The following RHOQ variants were observed in gnomAD, a reference collection of about 807,000 sequenced individuals.
RHOQ encodes the protein ras homolog family member Q, also known as rho-related GTP-binding protein RhoQ.
Under a neutral mutation model 25.8 loss-of-function variants are expected in RHOQ, and 7 were observed. The observed-to-expected ratio is 0.27, with a 90% CI of 0.15 to 0.51. RHOQ has a LOEUF of 0.51. Among genes scored for constraint, RHOQ ranks in the 20% least tolerant of loss-of-function variants. The probability of loss-of-function intolerance (pLI) is 0.97; values close to 1 mark genes in which losing one functional copy is unlikely to be tolerated. For missense variants in RHOQ, 165 were observed against 260.6 expected, an observed-to-expected ratio of 0.63 and a Z score of 2.53; for synonymous variants, 97 against 98.6, an observed-to-expected ratio of 0.98 and a Z score of 0.10.
intron 2 of RHOQ, among the ~76,000 whole-genome samples, chr2:46,550,786 G>A (rs933517634): frequency 1.3e-5 from 2 of 152,208 alleles, no homozygotes; most frequent in African/African-American, 4.8e-5. Context: ...TGCTGAGAGT[G>A]CGGGCCCAGG....
chr2:46,573,465 T>G (rs1340241717), intron 2 of RHOQ, among the ~76,000 whole-genome samples: 1 of 152,224 alleles, frequency 6.6e-6, no homozygotes. Flanking sequence ...TAAACATATG[T>G]GTGTTTTATT....
chr2:46,546,648 C>A (rs924794464), intron 2 of RHOQ, among the ~76,000 whole-genome samples: 11 of 150,346 alleles, frequency 7.3e-5, no homozygotes, highest in African/African-American at 2.7e-4. Flanking sequence ...AAATTATTTA[C>A]CTTTGTGATC....
In RHOQ at chr2:46,557,153, A is replaced by C. The variant is rs1668434048; in HGVS notation, c.201+13341A>C. On this transcript the variant is annotated intron_variant, in intron 2 of 4. Transcript: ENST00000238738. ...CCCCATTTTTGGGAATGAAAACTGA[A>C]ACAACCAGTTTGGAGGTTAATTTGC... Among the ~76,000 whole-genome samples, 2 of 152,200 alleles carry C rather than the reference A, an allele frequency of 1.3e-5. 1 individual carries two copies. Among genetic ancestry groups the C allele is most frequent in the Non-Finnish European group, 2.9e-5 (2 of 68,040 alleles).
chr2:46,577,663 C>T (rs1157020704), intron 4 of RHOQ, among the ~76,000 whole-genome samples: 4 of 150,122 alleles, frequency 2.7e-5, no homozygotes, highest in African/African-American at 4.9e-5. Context: ...GATCTGCCCA[C>T]CTCATCCTCC....
chr2:46,559,886 G>A (rs1668519194), intron 2 of RHOQ, among the ~76,000 whole-genome samples: 1 of 152,132 alleles, frequency 6.6e-6, no homozygotes, highest in Admixed American at 6.5e-5. Context: ...AAGAAGCAGA[G>A]TGTTGGAGGG....
intron 2 of RHOQ, among the ~76,000 whole-genome samples, chr2:46,550,068 A>AT (rs879637280): frequency 1.5e-4 from 22 of 149,516 alleles, no homozygotes; most frequent in African/African-American, 2.7e-4. Flanking sequence ...ATTCTACTAA[A>AT]TTTTTTTTTT....
rs555927760 is a variant in RHOQ at position 46,556,388 on chromosome 2, G to A, written c.201+12576G>A. ...GGTACAAAGTGAAGTTCTGCTAGTT[G>A]TGCACTTGTGGTGCTGCCTTCGCCC... is the stretch of plus-strand genomic sequence containing the variant. On this transcript the variant is annotated intron_variant, in intron 2 of 4. Coordinates refer to ENST00000238738, the MANE Select transcript of RHOQ (RefSeq NM_012249.4). This position sits in a 1 kb window ranked among gnomAD's most constrained non-coding sequence, Gnocchi z 4.9. Among the ~76,000 whole-genome samples the A allele has an allele frequency of 2.0e-5, 3 of 152,200 alleles. No individual in the cohort carries two copies. The East Asian group carries it at 5.8e-4, about 29-fold the overall frequency.
At chr2:46,543,397 C>T in intron 1 of RHOQ, 1 of 604,736 alleles carries the variant, frequency 1.7e-6, no homozygotes, top group Non-Finnish European at 2.9e-6. Flanking sequence ...CCGCCCCCTA[C>T]GCGGCTCCTG....
In RHOQ at chr2:46,583,516, T is replaced by G. The variant is rs1669472070; in HGVS notation, c.*2433T>G. ...AGCTGAGGTGCCTTAGGTACTCTAC[T>G]GACCTTGATGGGTTTGGAGTTCCCC... On this transcript the variant is annotated 3_prime_UTR_variant, in exon 5 of 5. Transcript: ENST00000238738. 6.6e-6 allele frequency among the ~76,000 whole-genome samples: 1 copy of G among 152,198 alleles called. No homozygotes were observed. The highest frequency in any genetic ancestry group is 6.5e-5 in the Admixed American group (1 of 15,284).
chr2:46,581,672 T>C lies in RHOQ; in HGVS notation c.*589T>C, dbSNP rs1669381780. 6.6e-7 allele frequency: 1 copy of C among 1,509,176 alleles called. No individual in the cohort carries two copies. Among genetic ancestry groups the C allele is most frequent in the Non-Finnish European group, 8.9e-7 (1 of 1,120,980 alleles). 93.5% of individuals were successfully genotyped at this position (1,509,176 alleles called of 1,614,324 possible). A position where few individuals can be genotyped will look rare whatever the true frequency, so the allele number is the denominator to read the frequency against. On this transcript the variant is annotated 3_prime_UTR_variant, in exon 5 of 5. Transcript: ENST00000238738. The stretch of plus-strand genomic sequence containing the variant: ...CACAAGTGTAACCTAAATATTTCTA[T>C]ATTAAAGCTTAATGTGCTTTCTTAA...
At chr2:46,543,348 C>A (rs1029838267) in intron 1 of RHOQ, 160 bp downstream of exon 1, 3 of 717,752 alleles carry the variant, frequency 4.2e-6, no homozygotes, top group Non-Finnish European at 7.0e-6. Flanking sequence ...AGCTTCGCTC[C>A]TGGCAACCCC....
chr2:46,546,675 A>G (rs1668080729), intron 2 of RHOQ, among the ~76,000 whole-genome samples: 1 of 151,432 alleles, frequency 6.6e-6, no homozygotes, highest in South Asian at 2.1e-4. Flanking sequence ...AAACGTGAAT[A>G]ATTAGAATCT....
chr2:46,547,248 C>T (rs1007329372), intron 2 of RHOQ, among the ~76,000 whole-genome samples: 2 of 152,238 alleles, frequency 1.3e-5, no homozygotes, highest in Non-Finnish European at 2.9e-5. Flanking sequence ...GTGCCTCCCT[C>T]AGTTTGGAAC....
chr2:46,572,392 C>A (rs180837150), intron 2 of RHOQ, among the ~76,000 whole-genome samples: 56 of 152,084 alleles, frequency 3.7e-4, no homozygotes, highest in Admixed American at 1.2e-3. Flanking sequence ...TGTGAGCCAC[C>A]GCACCTGGCC....
intron 2 of RHOQ, among the ~76,000 whole-genome samples, chr2:46,565,061 G>T (rs1452902426): frequency 6.6e-6 from 1 of 152,176 alleles, no homozygotes; most frequent in Non-Finnish European, 1.5e-5. Context: ...GAGAAGGTGG[G>T]GAGCAGCTGC....
At chr2:46,568,864 A>C (rs1425398697) in intron 2 of RHOQ, 1 of 152,234 alleles carries the variant, frequency 6.6e-6, no homozygotes, top group Non-Finnish European at 1.5e-5. Context: ...CCTACTTGCC[A>C]GATATTTGTG....
At chr2:46,562,374 C>T (rs1326363430) in intron 2 of RHOQ, among the ~76,000 whole-genome samples, 1 of 152,112 alleles carries the variant, frequency 6.6e-6, no homozygotes, top group Non-Finnish European at 1.5e-5. Context: ...TACTTGAAAC[C>T]ACTGGAATGA....
At chr2:46,554,445 A>G (rs1431046501) in intron 2 of RHOQ, among the ~76,000 whole-genome samples, 2 of 152,152 alleles carry the variant, frequency 1.3e-5, no homozygotes, top group African/African-American at 2.4e-5. Flanking sequence ...TCTCTCCCGC[A>G]TATTAAGGGG....
rs760937084 is a variant in RHOQ at position 46,555,571 on chromosome 2, G to A, written c.201+11759G>A. Among the ~76,000 whole-genome samples, 13 of 152,210 alleles carry A rather than the reference G, an allele frequency of 8.5e-5. No individual in the cohort carries two copies. Among genetic ancestry groups the A allele is most frequent in the Non-Finnish European group, 1.8e-4 (12 of 68,040 alleles). ...AGTGGCTTTAAAGCAGGTTATAGGTGGCGATTTGAATACATTGACCATTTA... is the reference window on the plus strand; with the variant it reads ...AGTGGCTTTAAAGCAGGTTATAGGTAGCGATTTGAATACATTGACCATTTA... On this transcript the variant is annotated intron_variant, in intron 2 of 4. Transcript: ENST00000238738. The surrounding 1 kb of genome is among the most constrained non-coding windows in gnomAD (Gnocchi z 4.3).
Sources: allele counts gnomAD v4.1 joint callset (sites outside exome capture counted in the v4.1 genomes callset), GRCh38; gene constraint gnomAD v4.1.1; non-coding constraint Gnocchi (gnomAD v3.1); transcripts MANE v1.5; gene names NCBI Gene and HGNC (gene_info 2026-07-23, HGNC 2026-07-21).